The following TMEM74 variants were observed in gnomAD, a reference collection of about 807,000 sequenced individuals.
TMEM74 encodes transmembrane protein 74.
Under a neutral mutation model 18.1 loss-of-function variants are expected in TMEM74, and 13 were observed. The ratio of observed to expected loss-of-function variants is 0.72; its 90% CI spans 0.47 to 1.14. TMEM74 has a LOEUF of 1.14. Among genes scored for constraint, TMEM74 ranks in the 50% most tolerant of loss-of-function variants. The pLI is 0.00. For missense variants in TMEM74, 372 were observed against 375.9 expected, an observed-to-expected ratio of 0.99 and a Z score of 0.09; for synonymous variants, 159 against 146.6, an observed-to-expected ratio of 1.08 and a Z score of -0.61.
chr8:108,644,179 GA>G (rs1156775306), intron 2 of TMEM74, among the ~76,000 whole-genome samples: 4 of 152,086 alleles, frequency 2.6e-5, no homozygotes, highest in Non-Finnish European at 5.9e-5. Flanking sequence ...ACAGAATAGA[GA>G]AGCCAGAAAT....
At chr8:108,745,745 A>C (rs933933525) in intron 1 of TMEM74, among the ~76,000 whole-genome samples, 1 of 152,128 alleles carries the variant, frequency 6.6e-6, no homozygotes, top group Non-Finnish European at 1.5e-5. Context: ...AGAAGTAAAA[A>C]CTAAAAGGCA....
rs897192039 is a variant in TMEM74, at chr8:108,684,120, A to G, written n.120-28683T>C. Among the ~76,000 whole-genome samples the G allele has an allele frequency of 2.6e-5, 4 of 152,170 alleles. 1 individual carries two copies. In the Middle Eastern group the frequency reaches 0.01, roughly 388 times the overall value. ...TTCCTTTGCTTTGGATAAATTACCAACAATGGGGTTGCTGGATCATATGGT... is the reference window on the plus strand; with the variant it reads ...TTCCTTTGCTTTGGATAAATTACCAGCAATGGGGTTGCTGGATCATATGGT... On this transcript the variant is annotated intron_variant and non_coding_transcript_variant, in intron 1 of 3. Coordinates refer to the TMEM74 transcript ENST00000518838.
intron 1 of TMEM74, among the ~76,000 whole-genome samples, chr8:108,689,216 A>G (rs567881676): frequency 6.6e-6 from 1 of 152,338 alleles, no homozygotes; most frequent in East Asian, 1.9e-4. Context: ...AGTCACATGA[A>G]GACTAGTAGG....
chr8:108,787,053 C>CCT (rs936769809), intron 1 of TMEM74, among the ~76,000 whole-genome samples: 1 of 152,196 alleles, frequency 6.6e-6, no homozygotes, highest in Non-Finnish European at 1.5e-5. Flanking sequence ...TTTCTTCCGT[C>CCT]CTCTCCCTCT....
chr8:108,658,374 A>T (rs1185946005), intron 1 of TMEM74, among the ~76,000 whole-genome samples: 5 of 152,000 alleles, frequency 3.3e-5, no homozygotes, highest in African/African-American at 1.2e-4. Flanking sequence ...GCTTTCTTTT[A>T]TGTCATGTGC....
At chr8:108,675,645 T>C (rs1813049102) in intron 1 of TMEM74, among the ~76,000 whole-genome samples, 1 of 152,184 alleles carries the variant, frequency 6.6e-6, no homozygotes, top group Non-Finnish European at 1.5e-5. Context: ...AATAGAAAAA[T>C]AAATCTTTTC....
chr8:108,666,848 A>G (rs1812953972), intron 1 of TMEM74, among the ~76,000 whole-genome samples: 1 of 152,186 alleles, frequency 6.6e-6, no homozygotes, highest in African/African-American at 2.4e-5. Context: ...TTAGCATTAT[A>G]AATAATTCAG....
chr8:108,652,643 A>AAAAGAAAGCAAGAT, intron 2 of TMEM74: 1 of 628,048 alleles, frequency 1.6e-6, no homozygotes, highest in South Asian at 1.6e-5. Context: ...GAAAGCAAGA[A>AAAAGAAAGCAAGAT]AAAGAAAGAA....
At position 108,783,241 on chromosome 8, in the gene TMEM74, C is replaced by T. The variant is rs1814330529; in HGVS notation, c.*940G>A. Reference sequence around the variant, plus strand: ...GCTGCAATTCTATTGGTGGTTTTCCCCAAACAGCAATAACAAGATGTTACC... The same window carrying T: ...GCTGCAATTCTATTGGTGGTTTTCCTCAAACAGCAATAACAAGATGTTACC... On this transcript the variant is annotated 3_prime_UTR_variant, in exon 2 of 2. Coordinates refer to ENST00000297459, the MANE Select transcript of TMEM74 (RefSeq NM_153015.3). Among the ~76,000 whole-genome samples, 1 of 152,086 alleles carries T rather than the reference C, an allele frequency of 6.6e-6. No homozygotes were observed. Among genetic ancestry groups the T allele is most frequent in the African/African-American group, 2.4e-5 (1 of 41,418 alleles).
chr8:108,718,151 G>C (rs998994438), intron 1 of TMEM74, among the ~76,000 whole-genome samples: 1 of 85,682 alleles, frequency 1.2e-5, no homozygotes. Context: ...GTAGAGACGG[G>C]GTTTCACCAT....
At chr8:108,653,068 T>C (rs1047961012) in intron 2 of TMEM74, 2 of 174,116 alleles carry the variant, frequency 1.1e-5, no homozygotes, top group African/African-American at 4.8e-5. Flanking sequence ...TTTGATGGAC[T>C]TGTGGATGAA....
At chr8:108,676,570 A>C (rs1298192707) in intron 1 of TMEM74, among the ~76,000 whole-genome samples, 1 of 152,162 alleles carries the variant, frequency 6.6e-6, no homozygotes, top group Non-Finnish European at 1.5e-5. Context: ...CTAAAATTTC[A>C]ATCCTTCCAT....
At chr8:108,747,756 C>G (rs2130650561) in intron 1 of TMEM74, among the ~76,000 whole-genome samples, 1 of 150,458 alleles carries the variant, frequency 6.6e-6, no homozygotes, top group South Asian at 2.2e-4. Flanking sequence ...GTTGTTTCCC[C>G]CCTGTGTTCA....
At chr8:108,776,915 C>A (rs1814240714), downstream of TMEM74, among the ~76,000 whole-genome samples, 1 of 152,062 alleles carries the variant, frequency 6.6e-6, no homozygotes, top group South Asian at 2.1e-4. Flanking sequence ...GGGCCCAATT[C>A]AGTTTTTCAT....
chr8:108,630,639 C>T (rs1043239824), intron 2 of TMEM74, among the ~76,000 whole-genome samples: 1 of 151,958 alleles, frequency 6.6e-6, no homozygotes, highest in African/African-American at 2.4e-5. Context: ...GACCACAGTG[C>T]AATCAAATTA....
chr8:108,781,905 ACCT>A lies in TMEM74; in HGVS notation c.*2273_*2275del, dbSNP rs1437037104. 2.0e-5 allele frequency among the ~76,000 whole-genome samples: 3 copies of A among 152,100 alleles called. No individual in the cohort carries two copies. Among genetic ancestry groups the A allele is most frequent in the African/African-American group, 7.2e-5 (3 of 41,424 alleles). On this transcript the variant is annotated 3_prime_UTR_variant, in exon 2 of 2. Coordinates refer to ENST00000297459, the MANE Select transcript of TMEM74 (RefSeq NM_153015.3). ...AAAAGCTTTATTATCAAGTGAAAAG[ACCT>A]CCTAACACTTGATTCCCAAACTCCT...
intron 2 of TMEM74, among the ~76,000 whole-genome samples, chr8:108,649,924 A>G (rs989657568): frequency 6.6e-6 from 1 of 152,134 alleles, no homozygotes; most frequent in Non-Finnish European, 1.5e-5. Flanking sequence ...TTTCATAGAC[A>G]AAATAGAGGC....
intron 1 of TMEM74, among the ~76,000 whole-genome samples, chr8:108,688,032 A>G (rs1330213461): frequency 2.0e-5 from 3 of 152,224 alleles, no homozygotes; most frequent in Non-Finnish European, 4.4e-5. Flanking sequence ...AATATAAATG[A>G]CTAGCATACA....
chr8:108,614,395 A>T (rs769999665), intron 2 of TMEM74, among the ~76,000 whole-genome samples: 1 of 152,198 alleles, frequency 6.6e-6, no homozygotes, highest in Non-Finnish European at 1.5e-5. Flanking sequence ...TTTTAAGAAT[A>T]ATTTTCTCAA....
Sources: allele counts gnomAD v4.1 joint callset (sites outside exome capture counted in the v4.1 genomes callset), GRCh38; gene constraint gnomAD v4.1.1; transcripts MANE v1.5; gene names NCBI Gene and HGNC (gene_info 2026-07-23, HGNC 2026-07-21).